The following FBXO11 variants were observed in gnomAD, a reference collection of about 807,000 sequenced individuals.
FBXO11 encodes F-box only protein 11.
A neutral mutation model predicts 117.0 loss-of-function variants in FBXO11; 13 were observed. The ratio of observed to expected loss-of-function variants is 0.11; its 90% confidence interval spans 0.07 to 0.18. The LOEUF is 0.18. FBXO11 is among the 10% of genes least tolerant of loss of function. The probability of loss-of-function intolerance (pLI) is 1.00; values close to 1 mark genes in which losing one functional copy is unlikely to be tolerated. For synonymous variants in FBXO11, 490 were observed against 380.5 expected, an observed-to-expected ratio of 1.29 and a Z score of -3.35; for missense variants, 767 against 1,164.4, an observed-to-expected ratio of 0.66 and a Z score of 4.97.
chr2:47,822,179 C>A (rs769608850), intron 13 of FBXO11, 39 bp downstream of exon 13: 1 of 1,360,164 alleles, frequency 7.4e-7, no homozygotes, highest in East Asian at 2.3e-5. Flanking sequence ...AGAAGACATA[C>A]AAATCTATAA....
intron 1 of FBXO11, among the ~76,000 whole-genome samples, chr2:47,847,424 C>G (rs1475446012): frequency 6.6e-6 from 1 of 152,022 alleles, no homozygotes; most frequent in African/African-American, 2.4e-5. Context: ...AATATAGTAT[C>G]ATGGCTGGGT....
intron 11 of FBXO11, among the ~76,000 whole-genome samples, chr2:47,829,832 A>G (rs1358464936): frequency 6.6e-6 from 1 of 152,244 alleles, no homozygotes; most frequent in Non-Finnish European, 1.5e-5. Context: ...TGAGGTATAC[A>G]TTAAACAAAA....
chr2:47,870,196 G>A (rs1378716969), intron 1 of FBXO11, among the ~76,000 whole-genome samples: 1 of 152,152 alleles, frequency 6.6e-6, no homozygotes, highest in Non-Finnish European at 1.5e-5. Flanking sequence ...TGCTTCTCCA[G>A]AGAACCCTAA....
At chr2:47,808,553 GC>G in intron 21 of FBXO11, 126 bp from the exon 22 acceptor site, 1 of 699,048 alleles carries the variant, frequency 1.4e-6, no homozygotes, top group Non-Finnish European at 2.2e-6. Flanking sequence ...TGTGGCTCCA[GC>G]CCAGATTAAT....
chr2:47,864,362 C>G (rs1572868073), intron 1 of FBXO11, among the ~76,000 whole-genome samples: 1 of 152,282 alleles, frequency 6.6e-6, no homozygotes, highest in Non-Finnish European at 1.5e-5. Context: ...CCAGGGCAGG[C>G]AGATCACCTG....
At chr2:47,848,123 CA>C (rs1187153573) in intron 1 of FBXO11, among the ~76,000 whole-genome samples, 2 of 147,258 alleles carry the variant, frequency 1.4e-5, no homozygotes, top group Admixed American at 1.3e-4. Flanking sequence ...GACCCCATCT[CA>C]AAAAAACAAA....
intron 1 of FBXO11, among the ~76,000 whole-genome samples, chr2:47,844,897 A>G (rs1572832911): frequency 6.6e-6 from 1 of 152,192 alleles, no homozygotes; most frequent in African/African-American, 2.4e-5. Flanking sequence ...TTGGCCTCCC[A>G]AAGTGCTGGG....
At chr2:47,818,649 T>C (rs1671170928) in intron 16 of FBXO11, 130 bp downstream of exon 16, 6 of 662,226 alleles carry the variant, frequency 9.1e-6, no homozygotes, top group Admixed American at 8.3e-5. Flanking sequence ...GTCAAGATTA[T>C]TTTAAGAATG....
intron 1 of FBXO11, among the ~76,000 whole-genome samples, chr2:47,849,201 T>C (rs1419374089): frequency 6.6e-6 from 1 of 152,200 alleles, no homozygotes; most frequent in Non-Finnish European, 1.5e-5. Context: ...TAAATACTTA[T>C]AAAGTTACAT....
At chr2:47,832,326 C>T in intron 11 of FBXO11, 23 bp downstream of exon 11, 1 of 1,551,438 alleles carries the variant, frequency 6.4e-7, no homozygotes, top group Non-Finnish European at 8.7e-7. Flanking sequence ...GTCCGTTTTT[C>T]TATTAAAAAT....
At chr2:47,846,435 C>G (rs1374279235) in intron 1 of FBXO11, among the ~76,000 whole-genome samples, 2 of 152,164 alleles carry the variant, frequency 1.3e-5, no homozygotes, top group Non-Finnish European at 2.9e-5. Flanking sequence ...CCATTGCACT[C>G]CAGCCTGGGC....
intron 1 of FBXO11, among the ~76,000 whole-genome samples, chr2:47,874,312 C>T (rs183332800): frequency 7.4e-4 from 112 of 152,106 alleles, no homozygotes; most frequent in Non-Finnish European, 1.3e-3. Flanking sequence ...TCCTGATTTT[C>T]CTTTACTTCC....
chr2:47,857,438 A>C (rs1250068649), intron 1 of FBXO11, among the ~76,000 whole-genome samples: 1 of 152,180 alleles, frequency 6.6e-6, no homozygotes, highest in South Asian at 2.1e-4. Context: ...TTATGGTCTC[A>C]TACAGACATA....
intron 1 of FBXO11, among the ~76,000 whole-genome samples, chr2:47,900,769 TATAC>T (rs1488522414): frequency 9.2e-6 from 1 of 108,192 alleles, no homozygotes; most frequent in Non-Finnish European, 1.9e-5. Context: ...CGTGTATATA[TATAC>T]ACGTATACAC....
chr2:47,819,253 G>T (rs1671212265), intron 14 of FBXO11, among the ~76,000 whole-genome samples, 175 bp from the exon 15 acceptor site: 1 of 152,142 alleles, frequency 6.6e-6, no homozygotes. Context: ...GTCTCGCTCT[G>T]TCGCCCAGGC....
At chr2:47,898,539 G>A (rs907885972) in intron 1 of FBXO11, among the ~76,000 whole-genome samples, 1 of 152,056 alleles carries the variant, frequency 6.6e-6, no homozygotes, top group South Asian at 2.1e-4. Context: ...GTAATTCAGG[G>A]GAAATCTACC....
intron 1 of FBXO11, among the ~76,000 whole-genome samples, chr2:47,852,160 T>C (rs1234838264): frequency 3.3e-5 from 5 of 152,070 alleles, no homozygotes; most frequent in Admixed American, 2.6e-4. Context: ...CGGCTAATTT[T>C]TGTATTTTTA....
chr2:47,817,679 T>C (rs1012678382), intron 16 of FBXO11, among the ~76,000 whole-genome samples: 2 of 152,212 alleles, frequency 1.3e-5, no homozygotes, highest in Non-Finnish European at 2.9e-5. Flanking sequence ...GATTACTAAT[T>C]GGCCTAATTT....
chr2:47,816,481 G>C lies in FBXO11; in HGVS notation c.2006+2298C>G, dbSNP rs892316067. The stretch of plus-strand genomic sequence containing the variant: ...CAGCACTTTTTCAGATCTCCTCCCA[G>C]GAATCATGAATGTTCTTAATGAAAT... On this transcript the variant is annotated intron_variant, in intron 16 of 22. Coordinates refer to ENST00000403359, the MANE Select transcript of FBXO11 (RefSeq NM_001190274.2). Among the ~76,000 whole-genome samples, 3 of 152,042 alleles carry C rather than the reference G, an allele frequency of 2.0e-5. No individual in the cohort carries two copies. The East Asian group carries it at 5.8e-4, about 29-fold the overall frequency.
Sources: gnomAD v4.1 joint callset for allele counts (sites outside exome capture counted in the v4.1 genomes callset) on GRCh38, gnomAD v4.1.1 for gene constraint, MANE v1.5 for transcripts, NCBI Gene and HGNC (gene_info 2026-07-23, HGNC 2026-07-21) for gene names.